XKRX: variants seen among roughly 807,000 people sequenced by gnomAD.
XKRX encodes XK related X-linked.
In XKRX, 11 loss-of-function variants were observed where a neutral mutation model predicts 22.4. The ratio of observed to expected loss-of-function variants is 0.49; its 90% CI spans 0.31 to 0.81. The LOEUF (loss-of-function observed/expected upper bound fraction) is 0.81, where lower values mean the gene tolerates loss of function less well. Among genes scored for constraint, XKRX ranks in the 40% least tolerant of loss-of-function variants. XKRX has a pLI of 0.05. For missense variants in XKRX, 320 were observed against 336.5 expected (o/e 0.95, Z 0.38); for synonymous variants, 114 against 132.2 (o/e 0.86, Z 0.94).
the XKRX span, among the ~76,000 whole-genome samples, chrX:100,950,297 A>C: frequency 8.9e-6 from 1 of 112,498 alleles, no homozygotes; most frequent in Non-Finnish European, 1.9e-5. Flanking sequence ...TAATTAGAAC[A>C]ACCACTTAAA....
At chrX:100,924,471 C>T (rs1370594893) in intron 1 of XKRX, among the ~76,000 whole-genome samples, 2 of 111,092 alleles carry the variant, frequency 1.8e-5, no homozygotes, top group Non-Finnish European at 1.9e-5. Flanking sequence ...CTGCTCTGCC[C>T]CTCCCACCTC....
the XKRX span, among the ~76,000 whole-genome samples, chrX:100,898,551 C>T: frequency 1.9e-5 from 2 of 106,384 alleles, no homozygotes; most frequent in East Asian, 2.9e-4. Flanking sequence ...AAGGAGATAC[C>T]GAGGGGAATA....
intron 1 of XKRX, among the ~76,000 whole-genome samples, chrX:100,923,834 TTTC>T (rs2085485592): frequency 4.5e-5 from 4 of 88,633 alleles, no homozygotes; most frequent in East Asian, 4.8e-4. Context: ...TTTTTCTTTC[TTTC>T]TTTTTTTTTT....
At position 100,915,059 on chromosome X, in the gene XKRX, A is replaced by G; in HGVS notation, c.629T>C (p.Val210Ala). ...GRVVLMVFSL[V>A]SVTYGATLCN... ...AAGGGTGGCCCCATAGGTGACAGAT[A>G]CCAGGGAAAATACCATTAGCACAAC... The change falls in exon 3 of 3, where the codon GTA becomes GCA. Residue 210 changes from valine (V) to alanine (A), a missense_variant. Coordinates refer to ENST00000372956, the MANE Select transcript of XKRX (RefSeq NM_212559.3). The G allele has an allele frequency of 8.3e-7, 1 of 1,208,849 alleles. No homozygotes were observed. Among genetic ancestry groups the G allele is most frequent in the Non-Finnish European group, 1.1e-6 (1 of 894,200 alleles).
At position 100,914,322 on chromosome X, in the gene XKRX, T is replaced by C; in HGVS notation, c.*16A>G. ...TGGCAACTCCCAACTCTTCCTAAAA[T>C]ACCCAGAAAATAGAATCAGACAACA... On this transcript the variant is annotated 3_prime_UTR_variant, in exon 3 of 3. Coordinates refer to ENST00000372956, the MANE Select transcript of XKRX (RefSeq NM_212559.3). The C allele has an allele frequency of 8.3e-7, 1 of 1,198,801 alleles. No homozygotes were observed. The highest frequency in any genetic ancestry group is 1.1e-6 in the Non-Finnish European group (1 of 888,971).
the XKRX span, among the ~76,000 whole-genome samples, chrX:100,900,132 GCTCA>G: frequency 8.9e-6 from 1 of 111,934 alleles, no homozygotes; most frequent in East Asian, 2.8e-4. Flanking sequence ...CACAATCTCA[GCTCA>G]CTGCAGCCTC....
the XKRX span, among the ~76,000 whole-genome samples, chrX:100,894,436 A>C: frequency 8.9e-6 from 1 of 111,747 alleles, no homozygotes; most frequent in African/African-American, 3.3e-5. Context: ...TTAATGTCAT[A>C]AATTGCATCT....
At chrX:100,931,235 T>C (rs1459015688), upstream of XKRX, among the ~76,000 whole-genome samples, 3 of 110,285 alleles carry the variant, frequency 2.7e-5, no homozygotes, top group Non-Finnish European at 3.8e-5. Context: ...CTTTCCTCCT[T>C]CTTCTCCATG....
the XKRX span, among the ~76,000 whole-genome samples, chrX:100,938,548 G>A: frequency 1.8e-5 from 2 of 111,510 alleles, no homozygotes; most frequent in African/African-American, 6.5e-5. Flanking sequence ...AGAATCGCTT[G>A]AACCCGGGAG....
At chrX:100,919,649 A>G (rs1466727978) in intron 2 of XKRX, among the ~76,000 whole-genome samples, 4 of 112,001 alleles carry the variant, frequency 3.6e-5, no homozygotes, top group African/African-American at 1.3e-4. Flanking sequence ...ACACAAAAAG[A>G]TGCTCAGCTT....
chrX:100,928,948 G>C, upstream of XKRX: 2 of 557,124 alleles, frequency 3.6e-6, no homozygotes, highest in Non-Finnish European at 4.4e-6. Flanking sequence ...ATAGCTCCTC[G>C]GATTCCCCCA....
chrX:100,908,337 G>A, the XKRX span, among the ~76,000 whole-genome samples: 1 of 110,871 alleles, frequency 9.0e-6, no homozygotes, highest in Non-Finnish European at 1.9e-5. Context: ...GGATGGTCTC[G>A]AACTCCTGAG....
At chrX:100,915,551 C>T (rs1033769413) in intron 2 of XKRX, among the ~76,000 whole-genome samples, 6 of 110,619 alleles carry the variant, frequency 5.4e-5, no homozygotes, top group African/African-American at 2.0e-4. Flanking sequence ...TGGGTGTATA[C>T]CTAAAGGAAA....
At chrX:100,923,445 G>A (rs770490527) in intron 1 of XKRX, among the ~76,000 whole-genome samples, 1 of 112,264 alleles carries the variant, frequency 8.9e-6, no homozygotes, top group Non-Finnish European at 1.9e-5. Flanking sequence ...ACACGTGTGA[G>A]ACACCATGGC....
At chrX:100,888,404 G>C in the XKRX span, 1 of 896,902 alleles carries the variant, frequency 1.1e-6, no homozygotes, top group Non-Finnish European at 1.6e-6. Flanking sequence ...CTCCACAGTG[G>C]CGTATGTAAC....
the XKRX span, among the ~76,000 whole-genome samples, chrX:100,951,506 A>AC: frequency 5.4e-5 from 6 of 110,417 alleles, no homozygotes; most frequent in Non-Finnish European, 9.5e-5. Flanking sequence ...TAATCTAAGT[A>AC]CCCATCTCAC....
At chrX:100,904,272 T>C in the XKRX span, among the ~76,000 whole-genome samples, 4 of 109,893 alleles carry the variant, frequency 3.6e-5, no homozygotes, top group Admixed American at 1.9e-4. Context: ...TAACCAGACA[T>C]ACACATGCAG....
chrX:100,903,863 C>T, the XKRX span, among the ~76,000 whole-genome samples: 5 of 111,737 alleles, frequency 4.5e-5, no homozygotes, highest in Non-Finnish European at 1.9e-5. Flanking sequence ...AGAAATAGTC[C>T]ATGTTCATGG....
At chrX:100,954,641 T>C in the XKRX span, among the ~76,000 whole-genome samples, 1 of 111,894 alleles carries the variant, frequency 8.9e-6, no homozygotes, top group South Asian at 3.7e-4. Flanking sequence ...TTATTCATAA[T>C]AGCCAAAAAA....
Sources: allele counts gnomAD v4.1 joint callset (sites outside exome capture counted in the v4.1 genomes callset), GRCh38; gene constraint gnomAD v4.1.1; transcripts MANE v1.5; gene names NCBI Gene and HGNC (gene_info 2026-07-23, HGNC 2026-07-21).